FRMD3: variants seen among roughly 807,000 people sequenced by gnomAD.
FRMD3 encodes FERM domain containing 3, also known as FERM domain-containing protein 3.
Under a neutral mutation model 70.2 loss-of-function variants are expected in FRMD3, and 33 were observed. The ratio of observed to expected loss-of-function variants is 0.47; its 90% CI spans 0.36 to 0.63. The LOEUF (loss-of-function observed/expected upper bound fraction) is 0.63, where lower values mean the gene tolerates loss of function less well. Ranked by LOEUF, FRMD3 falls within the 20% of genes least tolerant of loss-of-function variation. The pLI, the probability that FRMD3 is intolerant of heterozygous loss-of-function variation, is 0.00. For synonymous variants in FRMD3, 279 were observed against 255.9 expected (o/e 1.09, Z -0.86); for missense variants, 632 against 711.4 (o/e 0.89, Z 1.27).
At chr9:83,495,229 A>G (rs1201398482) in intron 1 of FRMD3, among the ~76,000 whole-genome samples, 2 of 152,134 alleles carry the variant, frequency 1.3e-5, no homozygotes, top group Admixed American at 1.3e-4. Context: ...AATTCAGGCA[A>G]TGGGGAGGGT....
At chr9:83,463,811 T>A (rs914160531) in intron 1 of FRMD3, among the ~76,000 whole-genome samples, 1 of 152,178 alleles carries the variant, frequency 6.6e-6, no homozygotes, top group African/African-American at 2.4e-5. Flanking sequence ...CATAAAGAAA[T>A]TGGGCCCTTG....
chr9:83,364,577 CTG>C (rs1053636752), intron 3 of FRMD3, among the ~76,000 whole-genome samples: 4 of 151,804 alleles, frequency 2.6e-5, no homozygotes, highest in Admixed American at 6.6e-5. Flanking sequence ...AAAATCAACT[CTG>C]TGCAAACAAA....
chr9:83,345,203 G>C (rs1352501946), intron 4 of FRMD3, among the ~76,000 whole-genome samples: 2 of 152,102 alleles, frequency 1.3e-5, no homozygotes, highest in African/African-American at 4.8e-5. Flanking sequence ...CATGGTGGAG[G>C]CTCAAATGAC....
At chr9:83,551,311 C>G in the FRMD3 span, among the ~76,000 whole-genome samples, 2 of 152,122 alleles carry the variant, frequency 1.3e-5, no homozygotes, top group African/African-American at 4.8e-5. Flanking sequence ...AACTTTGCAT[C>G]CTGGGGATGA....
intron 2 of FRMD3, among the ~76,000 whole-genome samples, chr9:83,373,883 G>C (rs921031922): frequency 1.3e-5 from 2 of 152,154 alleles, no homozygotes; most frequent in Non-Finnish European, 2.9e-5. Context: ...TTGAGCTCTT[G>C]CACCTCACTC....
At chr9:83,472,035 CT>C (rs1828281253) in intron 1 of FRMD3, among the ~76,000 whole-genome samples, 1 of 152,158 alleles carries the variant, frequency 6.6e-6, no homozygotes, top group African/African-American at 2.4e-5. Flanking sequence ...GAGCAAGGGC[CT>C]CGTGAACATT....
chr9:83,251,108 C>T, intron 13 of FRMD3, among the ~76,000 whole-genome samples: 1 of 152,178 alleles, frequency 6.6e-6, no homozygotes, highest in South Asian at 2.1e-4. Flanking sequence ...CAGGTGCATG[C>T]AGGCCAGCAA....
chr9:83,477,929 A>C (rs1483989661), intron 1 of FRMD3, among the ~76,000 whole-genome samples: 1 of 152,154 alleles, frequency 6.6e-6, no homozygotes, highest in Non-Finnish European at 1.5e-5. Flanking sequence ...TCTTGGTTTG[A>C]AAAAAGGCAG....
the FRMD3 span, among the ~76,000 whole-genome samples, chr9:83,559,969 T>A: frequency 6.6e-6 from 1 of 152,184 alleles, no homozygotes; most frequent in Admixed American, 6.5e-5. Flanking sequence ...CTAAGTCCCA[T>A]GCTGATGGCC....
chr9:83,408,178 G>A (rs915304551), intron 1 of FRMD3, among the ~76,000 whole-genome samples: 6 of 152,140 alleles, frequency 3.9e-5, no homozygotes, highest in Non-Finnish European at 8.8e-5. Context: ...TCCTCTCAAC[G>A]AGATGAAAGC....
At chr9:83,507,656 C>A (rs764417004) in intron 1 of FRMD3, among the ~76,000 whole-genome samples, 3 of 112,938 alleles carry the variant, frequency 2.7e-5, no homozygotes, top group East Asian at 2.8e-4. Context: ...GGCGACACAG[C>A]GAAACTCCGT....
intron 1 of FRMD3, among the ~76,000 whole-genome samples, chr9:83,508,425 C>T (rs1042516432): frequency 1.5e-4 from 23 of 152,028 alleles, no homozygotes; most frequent in Admixed American, 9.2e-4. Context: ...CATCCTACTT[C>T]GACTGTTTAG....
intron 1 of FRMD3, among the ~76,000 whole-genome samples, chr9:83,452,186 G>A (rs986061294): frequency 5.3e-5 from 8 of 152,070 alleles, no homozygotes; most frequent in Non-Finnish European, 8.8e-5. Flanking sequence ...TAGACGCTCC[G>A]TATGTACACA....
At chr9:83,258,185 A>G (rs1261824968) in intron 13 of FRMD3, among the ~76,000 whole-genome samples, 1 of 152,184 alleles carries the variant, frequency 6.6e-6, no homozygotes, top group African/African-American at 2.4e-5. Flanking sequence ...GCATCACAAC[A>G]CAACCTACTC....
intron 1 of FRMD3, among the ~76,000 whole-genome samples, chr9:83,443,448 T>A (rs552934439): frequency 6.6e-6 from 1 of 152,356 alleles, no homozygotes; most frequent in South Asian, 2.1e-4. Context: ...GCTTCACCCA[T>A]GTCGCTACAA....
intron 12 of FRMD3, among the ~76,000 whole-genome samples, chr9:83,294,265 A>G (rs1196560533): frequency 6.6e-6 from 1 of 152,224 alleles, no homozygotes; most frequent in African/African-American, 2.4e-5. Context: ...CAGATGCTCA[A>G]TCTGCTGGTG....
At chr9:83,473,340 A>G (rs1828315323) in intron 1 of FRMD3, among the ~76,000 whole-genome samples, 1 of 152,182 alleles carries the variant, frequency 6.6e-6, no homozygotes, top group South Asian at 2.1e-4. Context: ...GGTCCACAGA[A>G]TCATTCCACA....
chr9:83,494,413 T>C (rs988877990), intron 1 of FRMD3, among the ~76,000 whole-genome samples: 9 of 152,200 alleles, frequency 5.9e-5, no homozygotes, highest in African/African-American at 2.2e-4. Context: ...CATGCCAATT[T>C]GGTTGTTTTT....
In FRMD3 at chr9:83,322,985, A is replaced by G. The variant is rs575378144; in HGVS notation, c.597-9238T>C. Among the ~76,000 whole-genome samples, 5 of 152,352 alleles carry G rather than the reference A, an allele frequency of 3.3e-5. No individual in the cohort carries two copies. The South Asian group carries it at 1.0e-3, about 32-fold the overall frequency. ...GTAAATGCAAATTAAAACTATGAGAAACCACTAACATCTCCATCTGGTAGC... is the reference window on the plus strand; with the variant it reads ...GTAAATGCAAATTAAAACTATGAGAGACCACTAACATCTCCATCTGGTAGC... On this transcript the variant is annotated intron_variant, in intron 6 of 13. Transcript: ENST00000304195.
Sources: gnomAD v4.1 joint callset for allele counts (sites outside exome capture counted in the v4.1 genomes callset) on GRCh38, gnomAD v4.1.1 for gene constraint, MANE v1.5 for transcripts, NCBI Gene and HGNC (gene_info 2026-07-23, HGNC 2026-07-21) for gene names.